The following VASH2 variants were observed in gnomAD, a reference collection of about 807,000 sequenced individuals.
The protein encoded by VASH2 is vasohibin 2.
In VASH2, 28 loss-of-function variants were observed where a neutral mutation model predicts 37.2. That is an observed-to-expected ratio of 0.75 (90% CI 0.56 to 1.03). VASH2 has a LOEUF of 1.03. VASH2 is among the 50% of genes least tolerant of loss of function. The pLI, the probability that VASH2 is intolerant of heterozygous loss-of-function variation, is 0.00. For missense variants in VASH2, 419 were observed against 459.1 expected, an observed-to-expected ratio of 0.91 and a Z score of 0.80; for synonymous variants, 188 against 174.7, an observed-to-expected ratio of 1.08 and a Z score of -0.60.
At chr1:212,965,834 A>G in intron 4 of VASH2, 56 bp downstream of exon 4, 1 of 1,487,460 alleles carries the variant, frequency 6.7e-7, no homozygotes, top group Non-Finnish European at 9.2e-7. Context: ...TCGAGCTGCC[A>G]GCTTCCTCTC....
At chr1:212,979,252 T>A (rs1667268267) in intron 7 of VASH2, among the ~76,000 whole-genome samples, 1 of 152,248 alleles carries the variant, frequency 6.6e-6, no homozygotes, top group South Asian at 2.1e-4. Context: ...CTCTAGGTAA[T>A]CTTGCTTTTG....
At chr1:212,985,078 G>A (rs1231305647) in intron 7 of VASH2, among the ~76,000 whole-genome samples, 1 of 151,636 alleles carries the variant, frequency 6.6e-6, no homozygotes, top group East Asian at 1.9e-4. Context: ...CTGGAATGCA[G>A]TTGTGCAATC....
At chr1:212,981,280 G>T (rs536116346) in intron 7 of VASH2, among the ~76,000 whole-genome samples, 2 of 152,346 alleles carry the variant, frequency 1.3e-5, no homozygotes, top group Admixed American at 1.3e-4. Context: ...AACATCAGCT[G>T]TCTGCCCTGG....
chr1:212,984,574 T>C (rs987222368), intron 7 of VASH2, among the ~76,000 whole-genome samples: 1 of 152,208 alleles, frequency 6.6e-6, no homozygotes, highest in African/African-American at 2.4e-5. Context: ...TATTTTCTTA[T>C]ATGAAGGGCA....
chr1:212,988,374 G>T (rs1281077670), intron 7 of VASH2, 138 bp from the exon 8 acceptor site: 2 of 810,486 alleles, frequency 2.5e-6, no homozygotes, highest in Non-Finnish European at 4.1e-6. Flanking sequence ...GTGAGCTAAG[G>T]CTGGCAGGGT....
intron 2 of VASH2, among the ~76,000 whole-genome samples, chr1:212,959,624 C>T (rs754146544): frequency 1.3e-5 from 2 of 152,176 alleles, no homozygotes; most frequent in African/African-American, 2.4e-5. Flanking sequence ...GTGTAGGCAG[C>T]GGGGTGGAAG....
intron 7 of VASH2, among the ~76,000 whole-genome samples, chr1:212,985,478 G>A (rs1667452798): frequency 6.7e-6 from 1 of 150,044 alleles, no homozygotes; most frequent in African/African-American, 2.5e-5. Context: ...GGAGTGCAGT[G>A]GCACGATCTT....
intron 5 of VASH2, chr1:212,967,011 T>G: frequency 4.4e-6 from 4 of 915,014 alleles, no homozygotes; most frequent in Non-Finnish European, 6.3e-6. Context: ...TCCCAAAGTG[T>G]TGAGATTAGA....
chr1:212,966,801 C>T (rs1572066850), intron 5 of VASH2, among the ~76,000 whole-genome samples: 2 of 152,366 alleles, frequency 1.3e-5, no homozygotes, highest in African/African-American at 2.4e-5. Context: ...GATCTCAGCT[C>T]GCTGCAACTT....
intron 2 of VASH2, among the ~76,000 whole-genome samples, chr1:212,958,270 A>G (rs936067969): frequency 6.6e-6 from 1 of 152,208 alleles, no homozygotes. Flanking sequence ...CTATGACATC[A>G]TTCCCTCTGT....
At position 212,988,809 on chromosome 1, in the gene VASH2, T is replaced by C; in HGVS notation, c.*225T>C. Reference sequence around the variant, plus strand: ...AATAAGCCCCACTGGGGTTGGACTATGTCCCTCACTCAAGATCTTAAGGAT... The same window carrying C: ...AATAAGCCCCACTGGGGTTGGACTACGTCCCTCACTCAAGATCTTAAGGAT... On this transcript the variant is annotated 3_prime_UTR_variant, in exon 8 of 8. Coordinates refer to ENST00000517399, the MANE Select transcript of VASH2 (RefSeq NM_001301056.2). The C allele has an allele frequency of 1.9e-6, 1 of 528,470 alleles. No homozygotes were observed. The highest frequency in any genetic ancestry group is 3.4e-6 in the Non-Finnish European group (1 of 293,132). 32.7% of individuals were successfully genotyped at this position (528,470 alleles called of 1,614,324 possible).
chr1:212,982,021 C>A (rs1393052714), intron 7 of VASH2, among the ~76,000 whole-genome samples: 1 of 152,190 alleles, frequency 6.6e-6, no homozygotes, highest in East Asian at 1.9e-4. Flanking sequence ...ATAGCAGTGG[C>A]AGAGAGTAGT....
chr1:212,980,992 A>G (rs1275019950), intron 7 of VASH2, among the ~76,000 whole-genome samples: 1 of 152,180 alleles, frequency 6.6e-6, no homozygotes, highest in Non-Finnish European at 1.5e-5. Flanking sequence ...CTCATCAGAA[A>G]AGACCACCTC....
chr1:212,973,778 A>C, intron 6 of VASH2, 177 bp from the exon 7 acceptor site: 1 of 1,389,216 alleles, frequency 7.2e-7, no homozygotes, highest in Non-Finnish European at 9.4e-7. Flanking sequence ...TTGACAGTAC[A>C]GGACGAGAGA....
At position 212,973,748 on chromosome 1, in the gene VASH2, G is replaced by C. The variant is rs1667090378; in HGVS notation, c.880-207G>C. 3.7e-6 allele frequency: 5 copies of C among 1,358,092 alleles called. No homozygotes were observed. The East Asian group carries it at 1.5e-4, about 40-fold the overall frequency. The allele number at this position is 1,358,092 out of a possible 1,614,324, so 84.1% of individuals were successfully genotyped here. ...ATGTGACCATCTGTATATCTGTCTTGGAAGTGGTGCCCTTGCTGCTTGACA... is the reference window on the plus strand; with the variant it reads ...ATGTGACCATCTGTATATCTGTCTTCGAAGTGGTGCCCTTGCTGCTTGACA... On this transcript the variant is annotated intron_variant, in intron 6 of 7. Coordinates refer to ENST00000517399, the MANE Select transcript of VASH2 (RefSeq NM_001301056.2).
Position 212,972,756 on chromosome 1 carries a change from T to G in VASH2, c.674T>G (p.Leu225Arg). The stretch of plus-strand genomic sequence containing the variant: ...GACAAGCCATTGACTTTTCGGACTC[T>G]GAGTGACCTCATCTTTGACTTTGAG... The part of the protein sequence containing the change: ...LMDKPLTFRT[L>R]SDLIFDFEDS... The change falls in exon 6 of 8, where the codon CTG (leucine) becomes CGG (arginine). Residue 225 changes from leucine (L) to arginine (R), a missense_variant. By Grantham distance (102) the Leu-to-Arg change is moderately radical. Coordinates refer to ENST00000517399, the MANE Select transcript of VASH2 (RefSeq NM_001301056.2). The G allele has an allele frequency of 6.2e-7, 1 of 1,614,246 alleles. No individual in the cohort carries two copies.
At chr1:212,959,973 C>G (rs1031432781) in intron 2 of VASH2, among the ~76,000 whole-genome samples, 1 of 152,214 alleles carries the variant, frequency 6.6e-6, no homozygotes, top group Admixed American at 6.5e-5. Flanking sequence ...CCCACGTGGG[C>G]TGAGATTCTC....
At chr1:212,959,336 ACT>A (rs1254414213) in intron 2 of VASH2, among the ~76,000 whole-genome samples, 1 of 151,802 alleles carries the variant, frequency 6.6e-6, no homozygotes, top group Non-Finnish European at 1.5e-5. Context: ...CCCTGAAATG[ACT>A]CTCTCAGACA....
rs1292274306 is a variant in VASH2, at chr1:212,972,704, G to A, written c.622G>A (p.Gly208Ser). 1.2e-6 allele frequency: 2 copies of A among 1,614,064 alleles called. No individual in the cohort carries two copies. The highest frequency in any genetic ancestry group is 1.7e-6 in the Non-Finnish European group (2 of 1,180,048). ...IYCNGRYGSLGMSRRAELMDK... is the reference protein window; with the variant it reads ...IYCNGRYGSLSMSRRAELMDK... ...CTGCAATGGCCGCTATGGCTCATTG[G>A]GCATGAGCCGCAGGGCTGAGCTGAT... The change falls in exon 6 of 8, where the codon GGC becomes AGC. Residue 208 changes from glycine (G) to serine (S), a missense_variant. Physicochemically the swap from Gly to Ser is moderately conservative, Grantham distance 56. Around this residue, in one of 3 missense-constraint regions of VASH2, gnomAD observed 84 missense variants for 129.9 expected, o/e 0.65. Coordinates refer to ENST00000517399, the MANE Select transcript of VASH2 (RefSeq NM_001301056.2).
Sources: gnomAD v4.1 joint callset for allele counts (sites outside exome capture counted in the v4.1 genomes callset) on GRCh38, gnomAD v4.1.1 for gene constraint, gnomAD v4.1.1 regional missense constraint, MANE v1.5 for transcripts, NCBI Gene and HGNC (gene_info 2026-07-23, HGNC 2026-07-21) for gene names.